Variants in PCDHGA1 observed in about 807,000 individuals in gnomAD.
The protein encoded by PCDHGA1 is protocadherin gamma-A1.
A neutral mutation model predicts 58.0 loss-of-function variants in PCDHGA1; 32 were observed. That is an observed-to-expected ratio of 0.55 (90% CI 0.42 to 0.74). PCDHGA1 has a LOEUF of 0.74. PCDHGA1 is among the 30% of genes least tolerant of loss of function. The pLI is 0.00. For synonymous variants in PCDHGA1, 498 were observed against 501.1 expected (o/e 0.99, Z 0.08); for missense variants, 1,205 against 1,182.3 (o/e 1.02, Z -0.28).
rs1403096618 is a variant in PCDHGA1 at position 141,345,836 on chromosome 5, C to A, written c.2421+12731C>A. ...CGGTGGACAGAGACTCGGGCCAGAA[C>A]GCCTGGCTGTCCTACCGCCTGCTCA... On this transcript the variant is annotated intron_variant, in intron 1 of 3. Coordinates refer to ENST00000517417, the MANE Select transcript of PCDHGA1 (RefSeq NM_018912.3). 5 of 1,613,426 alleles carry A rather than the reference C, an allele frequency of 3.1e-6. No homozygotes were observed. The highest frequency in any genetic ancestry group is 4.2e-6 in the Non-Finnish European group (5 of 1,179,998).
chr5:141,364,771 T>C (rs1763529395), intron 1 of PCDHGA1: 4 of 1,614,002 alleles, frequency 2.5e-6, no homozygotes, highest in Non-Finnish European at 3.4e-6. Flanking sequence ...AAAATGCGGC[T>C]GCAGGGACAC....
chr5:141,397,199 T>A (rs1317536621), intron 1 of PCDHGA1, among the ~76,000 whole-genome samples: 1 of 152,156 alleles, frequency 6.6e-6, no homozygotes, highest in Non-Finnish European at 1.5e-5. Context: ...GTAAAAGATA[T>A]GACATAAGAG....
chr5:141,398,776 G>C, intron 1 of PCDHGA1: 2 of 1,613,904 alleles, frequency 1.2e-6, no homozygotes. Context: ...TGCCTTGGAC[G>C]GTGGACATCC....
chr5:141,338,302 G>C (rs978137087), intron 1 of PCDHGA1, among the ~76,000 whole-genome samples: 13 of 152,190 alleles, frequency 8.5e-5, no homozygotes, highest in Non-Finnish European at 1.9e-4. Flanking sequence ...CCAATTAAGT[G>C]TCTGATGATT....
At chr5:141,420,353 G>C (rs1281948860) in intron 1 of PCDHGA1, 1 of 1,382,260 alleles carries the variant, frequency 7.2e-7, no homozygotes, top group African/African-American at 1.5e-5. Context: ...ATTATTTTAA[G>C]ATTCTAGATA....
At chr5:141,458,662 C>A (rs948275548) in intron 1 of PCDHGA1, among the ~76,000 whole-genome samples, 2 of 152,064 alleles carry the variant, frequency 1.3e-5, no homozygotes, top group Non-Finnish European at 2.9e-5. Flanking sequence ...CTCCACCTCT[C>A]GGGTTCAAGC....
At chr5:141,404,906 C>T (rs776779922) in intron 1 of PCDHGA1, 7 of 1,613,864 alleles carry the variant, frequency 4.3e-6, no homozygotes, top group Non-Finnish European at 5.1e-6. Context: ...CCATGGCCAG[C>T]CCCCTCTCTC....
At position 141,431,174 on chromosome 5, in the gene PCDHGA1, G is replaced by C. The variant is rs568632160; in HGVS notation, c.2422-63633G>C. 6.2e-7 allele frequency: 1 copy of C among 1,614,224 alleles called. No individual in the cohort carries two copies. The highest frequency in any genetic ancestry group is 1.1e-5 in the South Asian group (1 of 91,088). ...GCCTTACTTTCGTGAAAGTGAATTA[G>C]AAATAAAAATTAGTGAAAATGCAGC... is the stretch of plus-strand genomic sequence containing the variant. On this transcript the variant is annotated intron_variant, in intron 1 of 3. Coordinates refer to ENST00000517417, the MANE Select transcript of PCDHGA1 (RefSeq NM_018912.3). This position sits in a 1 kb window ranked among gnomAD's most constrained non-coding sequence, Gnocchi z 4.8.
intron 1 of PCDHGA1, chr5:141,357,842 G>T: frequency 1.6e-6 from 1 of 624,650 alleles, no homozygotes; most frequent in Non-Finnish European, 2.7e-6. Context: ...TTCAGTTGTA[G>T]TTTCAGCCAG....
chr5:141,347,744 G>A (rs78776359), intron 1 of PCDHGA1, among the ~76,000 whole-genome samples: 13,019 of 150,764 alleles, frequency 0.086, 751 homozygotes, highest in Non-Finnish European at 0.13. Context: ...CCAAAATTGG[G>A]CCACTGCACT....
intron 1 of PCDHGA1, chr5:141,479,355 A>G (rs2099493778): frequency 6.6e-6 from 1 of 152,506 alleles, no homozygotes; most frequent in Non-Finnish European, 1.5e-5. Flanking sequence ...CTTGCTGCTC[A>G]GTGCCTGAGG....
Position 141,332,755 on chromosome 5 carries a change from C to G in PCDHGA1, c.2071C>G (p.Leu691Val). The change falls in exon 1 of 4, where the codon CTG becomes GTG. Residue 691 changes from leucine (L) to valine (V), a missense_variant. By Grantham distance (32) the Leu-to-Val change is conservative. Transcript: ENST00000517417. This position sits in a 1 kb window ranked among gnomAD's most constrained non-coding sequence, Gnocchi z 4.6. ...CAAACCCAACGATTCGGACCTCACT[C>G]TGTACCTGGTGGTGGCGGCGGCCGC... ...SAKPNDSDLT[L>V]YLVVAAAAVS... 1 of 1,614,096 alleles carries G rather than the reference C, an allele frequency of 6.2e-7. No homozygotes were observed. The highest frequency in any genetic ancestry group is 8.5e-7 in the Non-Finnish European group (1 of 1,179,984).
intron 1 of PCDHGA1, among the ~76,000 whole-genome samples, chr5:141,353,712 A>C (rs893313768): frequency 6.6e-6 from 1 of 152,180 alleles, no homozygotes; most frequent in African/African-American, 2.4e-5. Flanking sequence ...TTGTTTCTTT[A>C]GTGTAGATTT....
chr5:141,387,653 A>C (rs981670504), intron 1 of PCDHGA1: 11 of 639,608 alleles, frequency 1.7e-5, no homozygotes, highest in Non-Finnish European at 2.9e-5. Context: ...CAAAGTGGAG[A>C]GCTTGGCGCT....
intron 1 of PCDHGA1, chr5:141,422,820 G>A (rs904706749): frequency 6.2e-6 from 10 of 1,614,178 alleles, no homozygotes; most frequent in Non-Finnish European, 7.6e-6. Flanking sequence ...ACTTAGAACT[G>A]AGAGTGATAG....
At chr5:141,475,889 T>C in intron 1 of PCDHGA1, 1 of 562,248 alleles carries the variant, frequency 1.8e-6, no homozygotes, top group Non-Finnish European at 3.1e-6. Context: ...GCTGGGACTC[T>C]GTGTGCCGCT....
intron 1 of PCDHGA1, among the ~76,000 whole-genome samples, chr5:141,461,819 A>G (rs573339238): frequency 1.3e-5 from 2 of 149,282 alleles, no homozygotes; most frequent in African/African-American, 2.5e-5. Flanking sequence ...ACACCCAGCT[A>G]ATTTTTTTTT....
In PCDHGA1 at chr5:141,490,963, G is replaced by GC; in HGVS notation, c.2422-3838dup. 6.2e-7 allele frequency: 1 copy of GC among 1,613,760 alleles called. No individual in the cohort carries two copies. On this transcript the variant is annotated intron_variant, in intron 1 of 3. Transcript: ENST00000517417. This position sits in a 1 kb window ranked among gnomAD's most constrained non-coding sequence, Gnocchi z 5.4. ...CCCACGGCCAGACTGGGAACACTCA[G>GC]CCCCCCAGCGTCTCCCTCGCTCTGC...
chr5:141,423,612 TGAAGAC>T, intron 1 of PCDHGA1: 1 of 1,611,004 alleles, frequency 6.2e-7, no homozygotes, highest in African/African-American at 1.3e-5. Flanking sequence ...TCTTGATAGC[TGAAGAC>T]TCAGCTATCA....
Sources: gnomAD v4.1 joint callset for allele counts (sites outside exome capture counted in the v4.1 genomes callset) on GRCh38, gnomAD v4.1.1 for gene constraint, Gnocchi (gnomAD v3.1) non-coding constraint, MANE v1.5 for transcripts, NCBI Gene and HGNC (gene_info 2026-07-23, HGNC 2026-07-21) for gene names.